Variants in TBX4 observed in about 807,000 individuals in gnomAD.
TBX4 encodes T-box transcription factor 4.
Under a neutral mutation model 54.6 loss-of-function variants are expected in TBX4, and 13 were observed. The ratio of observed to expected loss-of-function variants is 0.24; its 90% CI spans 0.15 to 0.38. The LOEUF is 0.38. Among genes scored for constraint, TBX4 ranks in the 10% least tolerant of loss-of-function variants. The pLI, the probability that TBX4 is intolerant of heterozygous loss-of-function variation, is 1.00. For synonymous variants in TBX4, 314 were observed against 306.7 expected (o/e 1.02, Z -0.25); for missense variants, 631 against 728.5 (o/e 0.87, Z 1.54).
intron 1 of TBX4, among the ~76,000 whole-genome samples, chr17:61,453,757 G>C (rs1236717810): frequency 2.6e-5 from 4 of 152,180 alleles, no homozygotes; most frequent in Non-Finnish European, 5.9e-5. Flanking sequence ...GTGTGTTGAA[G>C]AATAATACCT....
rs1165366644 is a variant in TBX4 at position 61,461,411 on chromosome 17, C to T, written c.281+3780C>T. ...CCACTCCTAACCCCAGCCTTGGATG[C>T]TGGGCCCTGGCCTCTTCCCCGTACA... On this transcript the variant is annotated intron_variant, in intron 3 of 8. Coordinates refer to ENST00000644296, the MANE Select transcript of TBX4 (RefSeq NM_001321120.2). This position sits in a 1 kb window ranked among gnomAD's most constrained non-coding sequence, Gnocchi z 5.1. 6.6e-6 allele frequency among the ~76,000 whole-genome samples: 1 copy of T among 152,160 alleles called. No individual in the cohort carries two copies. Among genetic ancestry groups the T allele is most frequent in the African/African-American group, 2.4e-5 (1 of 41,446 alleles).
chr17:61,458,318 A>T (rs2060469821), intron 3 of TBX4, among the ~76,000 whole-genome samples: 1 of 97,620 alleles, frequency 1.0e-5, no homozygotes, highest in African/African-American at 4.1e-5. Flanking sequence ...TGAGTGAGAG[A>T]TTCGCTGGGG....
At chr17:61,469,589 A>G (rs2060561558) in intron 5 of TBX4, among the ~76,000 whole-genome samples, 1 of 152,152 alleles carries the variant, frequency 6.6e-6, no homozygotes, top group African/African-American at 2.4e-5. Flanking sequence ...GGGCCCAGGT[A>G]CCGTCTCAGA....
rs935574071 is a variant in TBX4 at position 61,461,983 on chromosome 17, G to A, written c.282-3836G>A. Among the ~76,000 whole-genome samples the A allele has an allele frequency of 6.6e-6, 1 of 152,142 alleles. No individual in the cohort carries two copies. The highest frequency in any genetic ancestry group is 1.5e-5 in the Non-Finnish European group (1 of 68,010). On this transcript the variant is annotated intron_variant, in intron 3 of 8. Transcript: ENST00000644296. This position sits in a 1 kb window ranked among gnomAD's most constrained non-coding sequence, Gnocchi z 5.1. ...TCCCCAGGAAAGGGGCTGAGAGTAA[G>A]CGCCTTGAATTTGGCCACCGCTTTG...
At chr17:61,469,680 T>C (rs1015986408) in intron 5 of TBX4, among the ~76,000 whole-genome samples, 7 of 152,320 alleles carry the variant, frequency 4.6e-5, no homozygotes, top group Middle Eastern at 3.4e-3. Context: ...CTGCGGTATC[T>C]TCACCTATTT....
Position 61,468,503 on chromosome 17 carries a change from G to A in TBX4, c.549+846G>A, listed in dbSNP as rs566161123. The stretch of plus-strand genomic sequence containing the variant: ...CTTTGAGATGCAGGTGTGGCTGTTG[G>A]GGTTACGAGATGTGCAGGTATGTCC... On this transcript the variant is annotated intron_variant, in intron 5 of 8. Transcript: ENST00000644296. Among the ~76,000 whole-genome samples, 3 of 152,300 alleles carry A rather than the reference G, an allele frequency of 2.0e-5. No individual in the cohort carries two copies. The South Asian group carries it at 6.2e-4, about 32-fold the overall frequency.
In TBX4 at chr17:61,456,623, G is replaced by A. The variant is rs1349358926; in HGVS notation, c.133G>A (p.Gly45Ser). 7.2e-6 allele frequency: 10 copies of A among 1,390,518 alleles called. No individual in the cohort carries two copies. The African/African-American group carries it at 1.2e-4, about 17-fold the overall frequency. 86.1% of individuals were successfully genotyped at this position (1,390,518 alleles called of 1,614,324 possible). The change falls in exon 2 of 9, where the codon GGC (glycine) becomes AGC (serine). Residue 45 changes from glycine (G) to serine (S), a missense_variant. Coordinates refer to ENST00000644296, the MANE Select transcript of TBX4 (RefSeq NM_001321120.2). ...GCCGGGCCTCAGCGGAGCCGCGCTA[G>A]GCAGCCCCCCGGGACCCGGGGCCGA... ...AAPGLSGAALGSPPGPGADVV... is the reference protein window; with the variant it reads ...AAPGLSGAALSSPPGPGADVV...
rs1179957328 is a variant in TBX4 at position 61,480,162 on chromosome 17, G to A, written c.864G>A (p.Pro288=). The change falls in exon 8 of 9, where the codon CCG becomes CCA. Residue 288 remains proline (P), a synonymous_variant. Coordinates refer to ENST00000644296, the MANE Select transcript of TBX4 (RefSeq NM_001321120.2). This position sits in a 1 kb window ranked among gnomAD's most constrained non-coding sequence, Gnocchi z 6.2. ...RLISPQLSAT[P]DVGPLLGTHQ... is the part of the protein sequence containing the mutation. ...TCTCCCCCCAGCTCTCAGCCACACC[G>A]GACGTGGGCCCCCTGCTCGGCACCC... 1.5e-5 allele frequency: 25 copies of A among 1,613,984 alleles called. No homozygotes were observed. The highest frequency in any genetic ancestry group is 8.3e-5 in the Admixed American group (5 of 60,010).
rs950399487 is a variant in TBX4, at chr17:61,475,473, G to A, written c.550-3154G>A. Among the ~76,000 whole-genome samples, 1 of 152,226 alleles carries A rather than the reference G, an allele frequency of 6.6e-6. No homozygotes were observed. The highest frequency in any genetic ancestry group is 1.5e-5 in the Non-Finnish European group (1 of 68,036). Reference sequence around the variant, plus strand: ...GATGTGTTTCAGGAGGAAATGGAGAGAAAGTAGATGGAGGTAGGGGGAGGC... The same window carrying A: ...GATGTGTTTCAGGAGGAAATGGAGAAAAAGTAGATGGAGGTAGGGGGAGGC... On this transcript the variant is annotated intron_variant, in intron 5 of 8. Coordinates refer to ENST00000644296, the MANE Select transcript of TBX4 (RefSeq NM_001321120.2). The surrounding 1 kb of genome is among the most constrained non-coding windows in gnomAD (Gnocchi z 5.0).
At position 61,465,595 on chromosome 17, in the gene TBX4, T is replaced by G. The variant is rs1603250892; in HGVS notation, c.282-224T>G. 6.6e-6 allele frequency among the ~76,000 whole-genome samples: 1 copy of G among 152,204 alleles called. No homozygotes were observed. Among genetic ancestry groups the G allele is most frequent in the South Asian group, 2.1e-4 (1 of 4,836 alleles). ...GTAAACTCTCCTCCTAGACACAGAC[T>G]GATAGCTGCAGGGGCTCAGAGACAG... On this transcript the variant is annotated intron_variant, in intron 3 of 8. Coordinates refer to ENST00000644296, the MANE Select transcript of TBX4 (RefSeq NM_001321120.2). This position sits in a 1 kb window ranked among gnomAD's most constrained non-coding sequence, Gnocchi z 4.9.
At chr17:61,452,822 C>T in intron 1 of TBX4, 2 of 743,744 alleles carry the variant, frequency 2.7e-6, no homozygotes, top group Non-Finnish European at 3.3e-6. Context: ...CTGAGTAACG[C>T]GATGAATTGG....
Position 61,478,462 on chromosome 17 carries a change from G to A in TBX4, c.550-165G>A. 1 of 887,436 alleles carries A rather than the reference G, an allele frequency of 1.1e-6. No individual in the cohort carries two copies. 55.0% of individuals were successfully genotyped at this position (887,436 alleles called of 1,614,324 possible). ...TGGGGTGGGGAGAGTTTGGGGCCCA[G>A]GGGCCTGGTTCTTCACTTGGGAGCT... is the stretch of plus-strand genomic sequence containing the variant. On this transcript the variant is annotated intron_variant, in intron 5 of 8. Coordinates refer to ENST00000644296, the MANE Select transcript of TBX4 (RefSeq NM_001321120.2). This position sits in a 1 kb window ranked among gnomAD's most constrained non-coding sequence, Gnocchi z 7.4.
At chr17:61,453,868 A>G (rs537713225) in intron 1 of TBX4, among the ~76,000 whole-genome samples, 138 of 152,384 alleles carry the variant, frequency 9.1e-4, no homozygotes, top group Non-Finnish European at 1.7e-3. Context: ...GAACAATTAT[A>G]TAACAAGTTA....
At chr17:61,474,000 G>C (rs545855342) in intron 5 of TBX4, among the ~76,000 whole-genome samples, 2 of 152,158 alleles carry the variant, frequency 1.3e-5, no homozygotes, top group Non-Finnish European at 2.9e-5. Flanking sequence ...CCCTGACTTA[G>C]ATCTAGTTTG....
chr17:61,482,265 T>A (rs571227235), intron 8 of TBX4, among the ~76,000 whole-genome samples: 2 of 152,368 alleles, frequency 1.3e-5, no homozygotes, highest in South Asian at 4.1e-4. Context: ...GAAAAGTATG[T>A]CACCTTTTTC....
In TBX4 at chr17:61,459,636, A is replaced by C. The variant is rs1001006117; in HGVS notation, c.281+2005A>C. 1.3e-5 allele frequency among the ~76,000 whole-genome samples: 2 copies of C among 152,120 alleles called. No individual in the cohort carries two copies. Among genetic ancestry groups the C allele is most frequent in the Non-Finnish European group, 2.9e-5 (2 of 68,034 alleles). On this transcript the variant is annotated intron_variant, in intron 3 of 8. Transcript: ENST00000644296. This position sits in a 1 kb window ranked among gnomAD's most constrained non-coding sequence, Gnocchi z 4.8. ...TCCCAACACATACACTTATACACAT[A>C]CTTCCATAGGTGGCCAGCTTCAGGC...
chr17:61,467,247 A>C (rs1342466397), intron 4 of TBX4, among the ~76,000 whole-genome samples: 5 of 152,226 alleles, frequency 3.3e-5, no homozygotes, highest in Non-Finnish European at 7.3e-5. Flanking sequence ...CCAGTCCTTC[A>C]ATTAAATGAT....
chr17:61,455,615 T>C (rs989728594), intron 1 of TBX4, among the ~76,000 whole-genome samples: 1 of 152,208 alleles, frequency 6.6e-6, no homozygotes, highest in African/African-American at 2.4e-5. Context: ...TTCCTGTGAA[T>C]GGGCCCAGCC....
At chr17:61,454,443 A>T (rs2060432882) in intron 1 of TBX4, among the ~76,000 whole-genome samples, 1 of 152,250 alleles carries the variant, frequency 6.6e-6, no homozygotes, top group Admixed American at 6.5e-5. Flanking sequence ...TGCGGTGCTG[A>T]GTGCGGGACC....
Sources: gnomAD v4.1 joint callset for allele counts (sites outside exome capture counted in the v4.1 genomes callset) on GRCh38, gnomAD v4.1.1 for gene constraint, Gnocchi (gnomAD v3.1) non-coding constraint, MANE v1.5 for transcripts, NCBI Gene and HGNC (gene_info 2026-07-23, HGNC 2026-07-21) for gene names.